ABLIM1: variants seen among roughly 807,000 people sequenced by gnomAD.
ABLIM1 encodes the protein actin binding LIM protein 1.
ABLIM1 carries 40 observed loss-of-function variants against 107.0 expected under a neutral mutation model. The observed-to-expected ratio is 0.37, with a 90% CI of 0.29 to 0.49. The LOEUF (loss-of-function observed/expected upper bound fraction) is 0.49. ABLIM1 is among the 20% of genes least tolerant of loss of function. The probability of loss-of-function intolerance (pLI) is 0.97; values close to 1 mark genes in which losing one functional copy is unlikely to be tolerated. For synonymous variants in ABLIM1, 357 were observed against 357.3 expected, an observed-to-expected ratio of 1.00 and a Z score of 0.01; for missense variants, 857 against 1,008.5, an observed-to-expected ratio of 0.85 and a Z score of 2.04.
chr10:114,769,477 AAG>A (rs370330479), upstream of ABLIM1, among the ~76,000 whole-genome samples: 58 of 128,134 alleles, frequency 4.5e-4, no homozygotes, highest in East Asian at 5.6e-3. Context: ...GAAAGAAAGA[AAG>A]AGAAAGAAAG....
At chr10:114,630,670 T>C (rs1253262089) in intron 1 of ABLIM1, among the ~76,000 whole-genome samples, 1 of 152,190 alleles carries the variant, frequency 6.6e-6, no homozygotes, top group East Asian at 1.9e-4. Flanking sequence ...AGCATTTTCA[T>C]CTTAAATCTA....
intron 1 of ABLIM1, among the ~76,000 whole-genome samples, chr10:114,664,384 T>A (rs1037806431): frequency 1.3e-5 from 2 of 152,186 alleles, no homozygotes; most frequent in South Asian, 2.1e-4. Context: ...GGCGTGGGTG[T>A]GCCTAACTAC....
chr10:114,493,523 T>C (rs1348536974), intron 6 of ABLIM1, among the ~76,000 whole-genome samples: 1 of 152,154 alleles, frequency 6.6e-6, no homozygotes, highest in Non-Finnish European at 1.5e-5. Context: ...TCTACATCAT[T>C]TTCCTCCTGG....
At chr10:114,626,494 G>A (rs948206230) in intron 1 of ABLIM1, among the ~76,000 whole-genome samples, 1 of 152,082 alleles carries the variant, frequency 6.6e-6, no homozygotes, top group Non-Finnish European at 1.5e-5. Context: ...TCACTCCCCA[G>A]TCCTTTATCC....
intron 6 of ABLIM1, among the ~76,000 whole-genome samples, chr10:114,518,355 A>C (rs1049952450): frequency 2.0e-5 from 3 of 152,036 alleles, no homozygotes; most frequent in African/African-American, 7.2e-5. Context: ...TAACTGAATA[A>C]GTACACTTCT....
At chr10:114,575,346 C>T (rs1000708518) in intron 3 of ABLIM1, 70 bp downstream of exon 3, 24 of 1,560,922 alleles carry the variant, frequency 1.5e-5, no homozygotes, top group Admixed American at 1.2e-4. Context: ...ATAATCCAAC[C>T]TTTAACAGCC....
intron 6 of ABLIM1, among the ~76,000 whole-genome samples, chr10:114,495,886 T>C (rs924588757): frequency 3.3e-5 from 5 of 152,184 alleles, no homozygotes; most frequent in African/African-American, 9.7e-5. Flanking sequence ...GAGTGAGTGT[T>C]CTTACCCAGT....
At chr10:114,703,445 A>C (rs747263885) in intron 1 of ABLIM1, among the ~76,000 whole-genome samples, 11 of 152,192 alleles carry the variant, frequency 7.2e-5, no homozygotes, top group Non-Finnish European at 1.5e-4. Context: ...AGTTTAGTAG[A>C]GGTGAAGCAA....
chr10:114,656,636 G>A (rs891682709), intron 1 of ABLIM1, among the ~76,000 whole-genome samples: 7 of 152,156 alleles, frequency 4.6e-5, no homozygotes, highest in African/African-American at 1.7e-4. Flanking sequence ...TATGCATAGA[G>A]GCATTATTCA....
At chr10:114,605,290 A>G (rs552584136) in intron 1 of ABLIM1, among the ~76,000 whole-genome samples, 1 of 152,340 alleles carries the variant, frequency 6.6e-6, no homozygotes, top group African/African-American at 2.4e-5. Flanking sequence ...TTGTTACCAC[A>G]TGTATGTTTG....
chr10:114,570,705 C>A (rs1208603137), intron 4 of ABLIM1, among the ~76,000 whole-genome samples: 1 of 146,518 alleles, frequency 6.8e-6, no homozygotes, highest in Non-Finnish European at 1.5e-5. Context: ...GCCTCCCAGG[C>A]TCAAGCTATC....
chr10:114,784,665 C>CAAAAAAAAAAAAAAAAAAAAAAA, the ABLIM1 span, among the ~76,000 whole-genome samples: 2 of 87,994 alleles, frequency 2.3e-5, no homozygotes, highest in Non-Finnish European at 4.3e-5. Context: ...AGACTCACCT[C>CAAAAAAAAAAAAAAAAAAAAAAA]AAAAAAAAAA....
At chr10:114,662,708 C>A (rs1425049701), upstream of ABLIM1, among the ~76,000 whole-genome samples, 1 of 152,198 alleles carries the variant, frequency 6.6e-6, no homozygotes, top group Non-Finnish European at 1.5e-5. Context: ...CAGCCAAACA[C>A]CCTCTTCCAT....
chr10:114,744,748 G>A (rs1475657348), intron 1 of ABLIM1, among the ~76,000 whole-genome samples: 1 of 152,122 alleles, frequency 6.6e-6, no homozygotes, highest in Admixed American at 6.6e-5. Context: ...AGCAACACCA[G>A]GCTCTGGGCC....
intron 4 of ABLIM1, among the ~76,000 whole-genome samples, chr10:114,569,375 A>G (rs1233545698): frequency 6.6e-6 from 1 of 150,762 alleles, no homozygotes; most frequent in Non-Finnish European, 1.5e-5. Context: ...GCTGGAGTGC[A>G]GTGGCGCGAT....
chr10:114,723,963 T>A (rs1316046130), intron 1 of ABLIM1, among the ~76,000 whole-genome samples: 1 of 152,210 alleles, frequency 6.6e-6, no homozygotes, highest in East Asian at 1.9e-4. Flanking sequence ...TTATAACATC[T>A]GCGTGGTTCC....
chr10:114,657,706 C>T (rs1295409683), intron 1 of ABLIM1, among the ~76,000 whole-genome samples: 2 of 152,046 alleles, frequency 1.3e-5, no homozygotes, highest in African/African-American at 4.8e-5. Context: ...TTATTCATAC[C>T]AAGTTTGGAA....
chr10:114,657,651 C>T (rs989168067), intron 1 of ABLIM1, among the ~76,000 whole-genome samples: 1 of 152,170 alleles, frequency 6.6e-6, no homozygotes, highest in African/African-American at 2.4e-5. Context: ...ATAACATCTA[C>T]AGATAGAGAT....
the ABLIM1 span, chr10:114,776,050 T>A: frequency 6.6e-6 from 1 of 152,192 alleles, no homozygotes; most frequent in Non-Finnish European, 1.5e-5. Flanking sequence ...AAGCCTGCAA[T>A]CCTACAATAT....
Sources: gnomAD v4.1 joint callset for allele counts (sites outside exome capture counted in the v4.1 genomes callset) on GRCh38, gnomAD v4.1.1 for gene constraint, MANE v1.5 for transcripts, NCBI Gene and HGNC (gene_info 2026-07-23, HGNC 2026-07-21) for gene names.